The following ADCY8 variants were observed in gnomAD, a reference collection of about 807,000 sequenced individuals.
ADCY8 encodes adenylate cyclase type 8.
ADCY8 carries 51 observed loss-of-function variants against 119.7 expected under a neutral mutation model. That is an observed-to-expected ratio of 0.43 (90% CI 0.34 to 0.54). The LOEUF is 0.54. ADCY8 is among the 20% of genes least tolerant of loss of function. The probability of loss-of-function intolerance (pLI) is 0.03; values close to 1 mark genes in which losing one functional copy is unlikely to be tolerated. For missense variants in ADCY8, 1,383 were observed against 1,598.8 expected (o/e 0.87, Z 2.30); for synonymous variants, 665 against 651.0 (o/e 1.02, Z -0.33).
At chr8:130,815,546 C>A (rs1282397763) in intron 13 of ADCY8, among the ~76,000 whole-genome samples, 2 of 152,066 alleles carry the variant, frequency 1.3e-5, no homozygotes, top group Admixed American at 6.5e-5. Flanking sequence ...ATAAGAAAAT[C>A]AAAGCAAACA....
chr8:131,040,700 G>A lies in ADCY8; in HGVS notation c.-367C>T. ...ATTCTAGGCTCAGCGTTTTGGCGCA[G>A]CCTTTGCTCTCCAAGAGACGCCTAA... is the stretch of plus-strand genomic sequence containing the variant. On this transcript the variant is annotated 5_prime_UTR_variant, in exon 1 of 18. Coordinates refer to ENST00000286355, the MANE Select transcript of ADCY8 (RefSeq NM_001115.3). 5.5e-6 allele frequency: 1 copy of A among 181,050 alleles called. No individual in the cohort carries two copies. Among genetic ancestry groups the A allele is most frequent in the Non-Finnish European group, 1.1e-5 (1 of 87,820 alleles). 11.2% of individuals were successfully genotyped at this position (181,050 alleles called of 1,614,324 possible). A position where few individuals can be genotyped will look rare whatever the true frequency, so the allele number is the denominator to read the frequency against.
chr8:131,019,348 A>G (rs1373662285), intron 1 of ADCY8, among the ~76,000 whole-genome samples: 3 of 152,200 alleles, frequency 2.0e-5, no homozygotes, highest in Non-Finnish European at 4.4e-5. Flanking sequence ...TTTTTACCAG[A>G]ACATCAGCTA....
At chr8:130,948,515 T>G (rs1487344917) in intron 3 of ADCY8, among the ~76,000 whole-genome samples, 1 of 152,158 alleles carries the variant, frequency 6.6e-6, no homozygotes. Context: ...CCAGCCCACG[T>G]GGGCACACGA....
chr8:130,942,586 G>A (rs1820988323), intron 4 of ADCY8, among the ~76,000 whole-genome samples: 1 of 152,138 alleles, frequency 6.6e-6, no homozygotes, highest in South Asian at 2.1e-4. Context: ...CCTTAACAGA[G>A]GACATTTTGA....
At chr8:130,978,248 T>C (rs11782471) in intron 2 of ADCY8, among the ~76,000 whole-genome samples, 3,319 of 152,262 alleles carry the variant, frequency 0.022, 43 homozygotes, top group East Asian at 0.059. Flanking sequence ...GTTGTAAAGA[T>C]GAAATATTTA....
At chr8:130,884,302 C>G (rs972656500) in intron 8 of ADCY8, among the ~76,000 whole-genome samples, 1 of 152,188 alleles carries the variant, frequency 6.6e-6, no homozygotes, top group Non-Finnish European at 1.5e-5. Flanking sequence ...TTGATGCTTA[C>G]TGAGTTAAAG....
At chr8:131,018,439 C>G (rs1352907065) in intron 1 of ADCY8, among the ~76,000 whole-genome samples, 2 of 152,168 alleles carry the variant, frequency 1.3e-5, no homozygotes. Context: ...ACTACCCTCC[C>G]CAGGGGTTCT....
chr8:130,783,677 C>T lies in ADCY8; in HGVS notation c.3268+14G>A. 1 of 1,597,992 alleles carries T rather than the reference C, an allele frequency of 6.3e-7. No individual in the cohort carries two copies. The highest frequency in any genetic ancestry group is 2.2e-5 in the East Asian group (1 of 44,768). On this transcript the variant is annotated intron_variant, in intron 17 of 17. Transcript: ENST00000286355. ...AGCTGGCTCTATCAGGCCCCACCTG[C>T]AGCTGCTACTCACCAATCCGGAGTT... is the stretch of plus-strand genomic sequence containing the variant.
chr8:130,800,922 G>C (rs941563680), intron 14 of ADCY8, among the ~76,000 whole-genome samples: 2 of 152,176 alleles, frequency 1.3e-5, no homozygotes, highest in Non-Finnish European at 2.9e-5. Flanking sequence ...AAGAAGCAAA[G>C]CAAATCTTTG....
intron 2 of ADCY8, 58 bp from the exon 3 acceptor site, chr8:130,952,056 G>T: frequency 6.3e-7 from 1 of 1,596,222 alleles, no homozygotes; most frequent in Non-Finnish European, 8.6e-7. Context: ...TCAGATGGGA[G>T]GGTGGAGGGT....
At chr8:130,921,038 C>T (rs934384305) in intron 5 of ADCY8, among the ~76,000 whole-genome samples, 4 of 152,196 alleles carry the variant, frequency 2.6e-5, no homozygotes, top group East Asian at 3.8e-4. Context: ...TTCTGTTTCT[C>T]CAGAGAACCC....
chr8:130,836,179 C>A, intron 12 of ADCY8, 98 bp downstream of exon 12: 1 of 1,311,372 alleles, frequency 7.6e-7, no homozygotes, highest in Non-Finnish European at 1.0e-6. Context: ...TCCAATCAGG[C>A]CTTAAGTTTT....
At chr8:130,963,213 A>G (rs1281018545) in intron 2 of ADCY8, among the ~76,000 whole-genome samples, 1 of 151,978 alleles carries the variant, frequency 6.6e-6, no homozygotes, top group Non-Finnish European at 1.5e-5. Flanking sequence ...GGCAGGAAGA[A>G]TCAGCAGAAA....
chr8:130,943,918 AC>A (rs1405993981), intron 3 of ADCY8, among the ~76,000 whole-genome samples: 1 of 152,190 alleles, frequency 6.6e-6, no homozygotes, highest in Non-Finnish European at 1.5e-5. Context: ...CAGGTACCGT[AC>A]CCAAAATGGC....
intron 11 of ADCY8, among the ~76,000 whole-genome samples, chr8:130,842,577 G>A (rs10106854): frequency 0.22 from 32,873 of 151,870 alleles, 3,627 homozygotes; most frequent in Admixed American, 0.26. Context: ...TACAGTTATA[G>A]CAATTATTTG....
intron 3 of ADCY8, among the ~76,000 whole-genome samples, chr8:130,951,533 C>A (rs138846771): frequency 2.0e-3 from 302 of 152,292 alleles, no homozygotes; most frequent in African/African-American, 6.9e-3. Context: ...GTGATCACAC[C>A]TGAAACCCCC....
intron 7 of ADCY8, chr8:130,892,175 T>C (rs1358414925): frequency 6.6e-6 from 1 of 152,128 alleles, no homozygotes; most frequent in Non-Finnish European, 1.5e-5. Flanking sequence ...GTTGCAATAA[T>C]AGCCTAGACA....
chr8:131,032,328 A>C (rs187366993), intron 1 of ADCY8, among the ~76,000 whole-genome samples: 87 of 152,352 alleles, frequency 5.7e-4, no homozygotes, highest in Admixed American at 1.4e-3. Flanking sequence ...AGCAGGAAAC[A>C]GAGTGAAAGG....
At chr8:130,894,876 C>T (rs1341612465) in intron 7 of ADCY8, among the ~76,000 whole-genome samples, 2 of 152,128 alleles carry the variant, frequency 1.3e-5, no homozygotes, top group African/African-American at 4.8e-5. Context: ...TAAAAATTCA[C>T]TCACATCAAA....
Sources: gnomAD v4.1 joint callset for allele counts (sites outside exome capture counted in the v4.1 genomes callset) on GRCh38, gnomAD v4.1.1 for gene constraint, MANE v1.5 for transcripts, NCBI Gene and HGNC (gene_info 2026-07-23, HGNC 2026-07-21) for gene names.